Variants in NBAS observed in about 807,000 individuals in gnomAD.
The protein encoded by NBAS is NAG/BC035112 fusion.
In NBAS, 219 loss-of-function variants were observed where a neutral mutation model predicts 302.5. The ratio of observed to expected loss-of-function variants is 0.72; its 90% CI spans 0.65 to 0.81. The LOEUF (loss-of-function observed/expected upper bound fraction) is 0.81, where lower values mean the gene tolerates loss of function less well. NBAS is among the 30% of genes least tolerant of loss of function. The pLI is 0.00. For synonymous variants in NBAS, 1,118 were observed against 1,021.6 expected (o/e 1.09, Z -1.80); for missense variants, 2,932 against 2,841.6 (o/e 1.03, Z -0.72).
the NBAS span, among the ~76,000 whole-genome samples, chr2:15,029,388 A>G: frequency 1.3e-5 from 2 of 152,222 alleles, no homozygotes; most frequent in Non-Finnish European, 2.9e-5. Context: ...CGCTGCCTTC[A>G]GGCTGGTTCA....
the NBAS span, among the ~76,000 whole-genome samples, chr2:15,128,293 C>A: frequency 1.3e-5 from 2 of 152,128 alleles, no homozygotes; most frequent in African/African-American, 4.8e-5. Context: ...TGATTGACAG[C>A]GGGGGACTAC....
chr2:15,417,761 T>A (rs1229117846), intron 23 of NBAS, 49 bp from the exon 24 acceptor site: 1 of 1,553,752 alleles, frequency 6.4e-7, no homozygotes, highest in South Asian at 1.1e-5. Flanking sequence ...ATATTTCTCA[T>A]CTATTCTAAA....
At chr2:15,407,334 A>G (rs1676464873) in intron 25 of NBAS, among the ~76,000 whole-genome samples, 1 of 152,186 alleles carries the variant, frequency 6.6e-6, no homozygotes, top group African/African-American at 2.4e-5. Context: ...CCCTCCGCAA[A>G]CATATCTTGC....
chr2:15,393,571 A>C (rs1572773828), intron 28 of NBAS: 1 of 396,100 alleles, frequency 2.5e-6, no homozygotes, highest in Middle Eastern at 3.9e-4. Context: ...TCACTTACCA[A>C]ATGATCCTGC....
the NBAS span, among the ~76,000 whole-genome samples, chr2:14,796,919 C>CAAAAAAAAAAAAAAA: frequency 5.6e-4 from 48 of 86,264 alleles, no homozygotes; most frequent in Non-Finnish European, 7.0e-4. Flanking sequence ...CTAAAAAATA[C>CAAAAAAAAAAAAAAA]AAAAAAAAAA....
At chr2:15,024,114 C>T in the NBAS span, among the ~76,000 whole-genome samples, 1 of 151,906 alleles carries the variant, frequency 6.6e-6, no homozygotes, top group Non-Finnish European at 1.5e-5. Flanking sequence ...CTAAACCTCT[C>T]CCTCCTCCCA....
rs538226028 is a variant in NBAS, at chr2:15,207,663, T to C, written c.6432+11110A>G. ...GACTTCCCCCTTGCTGTTCTTGTGA[T>C]AGAGTTCTCATGAGATCTGGTTGTT... On this transcript the variant is annotated intron_variant, in intron 48 of 51. Transcript: ENST00000281513. 9.8e-5 allele frequency among the ~76,000 whole-genome samples: 15 copies of C among 152,288 alleles called. No homozygotes were observed. The East Asian group carries it at 2.9e-3, about 29-fold the overall frequency.
At chr2:14,821,734 T>G in the NBAS span, among the ~76,000 whole-genome samples, 1 of 151,760 alleles carries the variant, frequency 6.6e-6, no homozygotes, top group African/African-American at 2.4e-5. Context: ...CAAAATGGGC[T>G]GGGCGCGATG....
chr2:15,119,737 A>G, the NBAS span, among the ~76,000 whole-genome samples: 1 of 152,144 alleles, frequency 6.6e-6, no homozygotes, highest in Non-Finnish European at 1.5e-5. Context: ...GCTCGGTCCC[A>G]TGTACTCAGG....
chr2:14,961,437 T>A, the NBAS span, among the ~76,000 whole-genome samples: 182 of 151,980 alleles, frequency 1.2e-3, no homozygotes, highest in Middle Eastern at 6.8e-3. Flanking sequence ...TTTTTTTTTT[T>A]AAAGCTGGGC....
the NBAS span, among the ~76,000 whole-genome samples, chr2:14,907,969 C>T: frequency 3.3e-5 from 5 of 152,192 alleles, no homozygotes; most frequent in South Asian, 2.1e-4. Context: ...GTATCCTCTC[C>T]GAATCAGCAT....
At chr2:15,531,222 A>G (rs529146950) in intron 9 of NBAS, among the ~76,000 whole-genome samples, 2 of 152,242 alleles carry the variant, frequency 1.3e-5, no homozygotes, top group Non-Finnish European at 2.9e-5. Flanking sequence ...AAGAAAGAAA[A>G]AAACAAATCT....
At chr2:15,476,693 C>A (rs576585895) in intron 13 of NBAS, among the ~76,000 whole-genome samples, 1 of 151,528 alleles carries the variant, frequency 6.6e-6, no homozygotes, top group Admixed American at 6.6e-5. Flanking sequence ...CCAGCCTGGG[C>A]GACAGAGCGA....
chr2:15,258,668 T>C (rs1266014595), intron 44 of NBAS, among the ~76,000 whole-genome samples: 1 of 152,150 alleles, frequency 6.6e-6, no homozygotes, highest in Non-Finnish European at 1.5e-5. Context: ...GTCAGACCAG[T>C]TGTCTGCTCT....
At chr2:14,799,713 T>C in the NBAS span, among the ~76,000 whole-genome samples, 3 of 152,134 alleles carry the variant, frequency 2.0e-5, no homozygotes, top group African/African-American at 7.2e-5. Flanking sequence ...TGTAGATCTA[T>C]AAGTGTTTGC....
chr2:15,257,661 G>C (rs959985394), intron 44 of NBAS, among the ~76,000 whole-genome samples: 1 of 152,216 alleles, frequency 6.6e-6, no homozygotes, highest in East Asian at 1.9e-4. Context: ...CCAAAGTGCT[G>C]GGATTACAGG....
the NBAS span, among the ~76,000 whole-genome samples, chr2:15,112,228 G>T: frequency 6.6e-6 from 1 of 151,624 alleles, no homozygotes; most frequent in Non-Finnish European, 1.5e-5. Flanking sequence ...AATAGGAAAT[G>T]AGAAAATAGA....
At chr2:14,985,014 T>G in the NBAS span, among the ~76,000 whole-genome samples, 120 of 152,186 alleles carry the variant, frequency 7.9e-4, no homozygotes, top group African/African-American at 2.9e-3. Context: ...CCCAAGTTCA[T>G]GAAAACTTCG....
chr2:15,193,881 T>C (rs1665482831), intron 48 of NBAS, among the ~76,000 whole-genome samples: 2 of 151,796 alleles, frequency 1.3e-5, no homozygotes, highest in South Asian at 2.1e-4. Context: ...CTATAAACTA[T>C]AGGAGTCATA....
Sources: allele counts gnomAD v4.1 joint callset (sites outside exome capture counted in the v4.1 genomes callset), GRCh38; gene constraint gnomAD v4.1.1; transcripts MANE v1.5; gene names NCBI Gene and HGNC (gene_info 2026-07-23, HGNC 2026-07-21).